Variants in C12orf42 observed in about 807,000 individuals in gnomAD.
The protein encoded by C12orf42 is chromosome 12 open reading frame 42.
Under a neutral mutation model 21.6 loss-of-function variants are expected in C12orf42, and 25 were observed. That is an observed-to-expected ratio of 1.16 (90% CI 0.84 to 1.62). C12orf42 has a LOEUF of 1.62. C12orf42 is among the 40% of genes most tolerant of loss of function. The pLI is 0.00. For missense variants in C12orf42, 483 were observed against 459.3 expected (o/e 1.05, Z -0.47); for synonymous variants, 174 against 175.0 (o/e 0.99, Z 0.05).
intron 1 of C12orf42, among the ~76,000 whole-genome samples, chr12:103,493,676 G>T (rs892978253): frequency 7.4e-5 from 11 of 149,174 alleles, no homozygotes; most frequent in Middle Eastern, 3.4e-3. Context: ...ATTGGTGGAG[G>T]GGAAACTACA....
intron 2 of C12orf42, among the ~76,000 whole-genome samples, chr12:103,455,985 G>A (rs905156661): frequency 1.3e-5 from 2 of 152,052 alleles, no homozygotes; most frequent in Non-Finnish European, 2.9e-5. Flanking sequence ...GTTAAGGGAA[G>A]CAACTTCATT....
intron 10 of C12orf42, among the ~76,000 whole-genome samples, chr12:103,257,286 T>A (rs1377470006): frequency 6.6e-6 from 1 of 151,996 alleles, no homozygotes; most frequent in African/African-American, 2.4e-5. Flanking sequence ...ATAATCTGTA[T>A]AACAAACCCC....
intron 1 of C12orf42, among the ~76,000 whole-genome samples, chr12:103,493,328 T>C (rs1358001565): frequency 6.6e-6 from 1 of 152,178 alleles, no homozygotes; most frequent in Non-Finnish European, 1.5e-5. Context: ...CACATCAGCG[T>C]TGCTTCAGTG....
At chr12:103,413,966 A>C (rs1228208352) in intron 2 of C12orf42, among the ~76,000 whole-genome samples, 1 of 152,096 alleles carries the variant, frequency 6.6e-6, no homozygotes, top group Non-Finnish European at 1.5e-5. Flanking sequence ...TGCTATAAAC[A>C]TGCATGTGAA....
At chr12:103,326,638 C>G (rs1340114361) in intron 4 of C12orf42, among the ~76,000 whole-genome samples, 1 of 152,158 alleles carries the variant, frequency 6.6e-6, no homozygotes, top group Non-Finnish European at 1.5e-5. Flanking sequence ...CATGCTTTTG[C>G]TGTTCCCTCT....
the C12orf42 span, among the ~76,000 whole-genome samples, chr12:103,185,410 G>A: frequency 6.6e-6 from 1 of 152,292 alleles, no homozygotes; most frequent in South Asian, 2.1e-4. Context: ...GAACTTAGGT[G>A]TGGACCATTG....
chr12:103,300,229 A>C, downstream of C12orf42, among the ~76,000 whole-genome samples: 1 of 152,196 alleles, frequency 6.6e-6, no homozygotes, highest in East Asian at 1.9e-4. Flanking sequence ...TTCCATGATT[A>C]AATAAGGTTG....
chr12:103,389,042 G>A (rs1474787380), intron 3 of C12orf42, among the ~76,000 whole-genome samples: 1 of 152,142 alleles, frequency 6.6e-6, no homozygotes, highest in Non-Finnish European at 1.5e-5. Flanking sequence ...GTTGTGCTTG[G>A]CAACTCAATC....
chr12:103,171,913 G>A, the C12orf42 span, among the ~76,000 whole-genome samples: 2 of 152,110 alleles, frequency 1.3e-5, no homozygotes, highest in Non-Finnish European at 2.9e-5. Flanking sequence ...GACTAAAGTG[G>A]TGGGGATAAC....
chr12:103,361,509 A>T (rs910137511), intron 4 of C12orf42, among the ~76,000 whole-genome samples: 2 of 152,060 alleles, frequency 1.3e-5, no homozygotes, highest in Non-Finnish European at 2.9e-5. Context: ...TTCCAACCCA[A>T]TGCGAAATCT....
At position 103,360,620 on chromosome 12, in the gene C12orf42, G is replaced by A. The variant is rs1328792378; in HGVS notation, c.259+8267C>T. On this transcript the variant is annotated intron_variant, in intron 4 of 5. Transcript: ENST00000548883. ...CACATATTTTTCAGCTAGTGATAGT[G>A]GCAATTATTTTCTCTGTTCCTCCAT... Among the ~76,000 whole-genome samples, 3 of 152,130 alleles carry A rather than the reference G, an allele frequency of 2.0e-5. No individual in the cohort carries two copies. In the South Asian group the frequency reaches 6.2e-4, roughly 32 times the overall value.
intron 1 of C12orf42, among the ~76,000 whole-genome samples, chr12:103,491,553 T>G (rs1195275039): frequency 1.3e-5 from 2 of 152,248 alleles, no homozygotes; most frequent in Non-Finnish European, 2.9e-5. Flanking sequence ...TACACTCTAT[T>G]GTTATCTGGC....
intron 4 of C12orf42, among the ~76,000 whole-genome samples, chr12:103,354,209 T>C (rs1285727598): frequency 6.6e-6 from 1 of 152,110 alleles, no homozygotes; most frequent in Non-Finnish European, 1.5e-5. Flanking sequence ...ATTAGTCCAG[T>C]AGAATGATGG....
At chr12:103,315,541 C>G (rs2039383851) in intron 4 of C12orf42, among the ~76,000 whole-genome samples, 1 of 151,960 alleles carries the variant, frequency 6.6e-6, no homozygotes, top group Non-Finnish European at 1.5e-5. Context: ...AAAAAAAACC[C>G]AGAACATACA....
intron 4 of C12orf42, among the ~76,000 whole-genome samples, chr12:103,287,702 T>C (rs2036557919): frequency 7.0e-6 from 1 of 143,788 alleles, no homozygotes; most frequent in Non-Finnish European, 1.5e-5. Context: ...ACTTAAAGTA[T>C]AATAATAAAA....
At chr12:103,382,766 G>T (rs571875000) in intron 3 of C12orf42, among the ~76,000 whole-genome samples, 3 of 152,266 alleles carry the variant, frequency 2.0e-5, no homozygotes, top group Middle Eastern at 6.8e-3. Context: ...CCAAAAAGCT[G>T]TCTCTTCAAA....
chr12:103,482,767 G>A (rs1054523157), intron 1 of C12orf42, among the ~76,000 whole-genome samples: 1 of 151,906 alleles, frequency 6.6e-6, no homozygotes, highest in Non-Finnish European at 1.5e-5. Flanking sequence ...TATTTTCCAT[G>A]TCTTTTCACT....
At chr12:103,495,105 TCAATATTAAATG>T (rs1471016474) in intron 1 of C12orf42, among the ~76,000 whole-genome samples, 1 of 151,122 alleles carries the variant, frequency 6.6e-6, no homozygotes, top group Non-Finnish European at 1.5e-5. Flanking sequence ...CTTCCAAGAT[TCAATATTAAATG>T]CCAGCAGGGA....
the C12orf42 span, among the ~76,000 whole-genome samples, chr12:103,075,091 T>TA: frequency 6.6e-6 from 1 of 152,102 alleles, no homozygotes; most frequent in African/African-American, 2.4e-5. Flanking sequence ...GTCTCAAAAC[T>TA]AAAAAAACAT....
Sources: allele counts gnomAD v4.1 joint callset (sites outside exome capture counted in the v4.1 genomes callset), GRCh38; gene constraint gnomAD v4.1.1; transcripts MANE v1.5; gene names NCBI Gene and HGNC (gene_info 2026-07-23, HGNC 2026-07-21).